TMEM163: variants seen among roughly 807,000 people sequenced by gnomAD.
The protein encoded by TMEM163 is transmembrane protein 163.
TMEM163 carries 17 observed loss-of-function variants against 29.3 expected under a neutral mutation model. The observed-to-expected ratio is 0.58, with a 90% CI of 0.40 to 0.87. The LOEUF (loss-of-function observed/expected upper bound fraction) is 0.87, where lower values mean the gene tolerates loss of function less well. TMEM163 is among the 40% of genes least tolerant of loss of function. The probability of loss-of-function intolerance (pLI) is 0.00; values close to 1 mark genes in which losing one functional copy is unlikely to be tolerated. For synonymous variants in TMEM163, 157 were observed against 160.6 expected, an observed-to-expected ratio of 0.98 and a Z score of 0.17; for missense variants, 303 against 381.5, an observed-to-expected ratio of 0.79 and a Z score of 1.71.
chr2:134,529,034 A>G (rs1244269061), intron 4 of TMEM163, among the ~76,000 whole-genome samples: 2 of 152,340 alleles, frequency 1.3e-5, no homozygotes, highest in East Asian at 3.9e-4. Context: ...AGCTTTATAA[A>G]AATGTGTACC....
intron 2 of TMEM163, among the ~76,000 whole-genome samples, chr2:134,627,145 C>T (rs1016148993): frequency 3.3e-5 from 5 of 152,062 alleles, no homozygotes; most frequent in African/African-American, 7.2e-5. Flanking sequence ...TATTGGTAAC[C>T]TATATTCCTC....
intron 2 of TMEM163, among the ~76,000 whole-genome samples, chr2:134,651,420 G>C (rs1216047789): frequency 8.1e-5 from 10 of 123,742 alleles, no homozygotes; most frequent in Admixed American, 1.6e-4. Flanking sequence ...ATTTGTTTGA[G>C]TTCATTGTAG....
chr2:134,579,916 A>G (rs937673526), intron 2 of TMEM163, among the ~76,000 whole-genome samples: 4 of 152,222 alleles, frequency 2.6e-5, no homozygotes, highest in Admixed American at 2.0e-4. Flanking sequence ...CATACAGGGC[A>G]TGAAGGACCT....
chr2:134,456,606 A>G lies in TMEM163; in HGVS notation c.*110T>C. On this transcript the variant is annotated 3_prime_UTR_variant, in exon 8 of 8. Coordinates refer to ENST00000281924, the MANE Select transcript of TMEM163 (RefSeq NM_030923.5). ...AGACCTTGTCTTGTAATGACAAACC[A>G]TGTGAAAGAAAACTTCCAAAAAGAA... 2 of 1,316,464 alleles carry G rather than the reference A, an allele frequency of 1.5e-6. No homozygotes were observed. The highest frequency in any genetic ancestry group is 2.1e-6 in the Non-Finnish European group (2 of 935,386). The allele number at this position is 1,316,464 out of a possible 1,614,324, so 81.5% of individuals were successfully genotyped here. A position where few individuals can be genotyped will look rare whatever the true frequency, so the allele number is the denominator to read the frequency against.
At chr2:134,506,652 C>T (rs1287745419) in intron 4 of TMEM163, among the ~76,000 whole-genome samples, 1 of 152,230 alleles carries the variant, frequency 6.6e-6, no homozygotes, top group Non-Finnish European at 1.5e-5. Context: ...CTCAACCATC[C>T]AGCCACACGA....
chr2:134,585,708 C>G lies in TMEM163; in HGVS notation c.323-33617G>C, dbSNP rs190547824. On this transcript the variant is annotated intron_variant, in intron 2 of 7. Coordinates refer to ENST00000281924, the MANE Select transcript of TMEM163 (RefSeq NM_030923.5). Reference sequence around the variant, plus strand: ...AGTGAGTCTAGATCGCGCCACTGCACTCCAGCCTGGGCGACAGAGCGAGAC... The same window carrying G: ...AGTGAGTCTAGATCGCGCCACTGCAGTCCAGCCTGGGCGACAGAGCGAGAC... Among the ~76,000 whole-genome samples the G allele has an allele frequency of 1.6e-3, 240 of 150,580 alleles. 1 individual carries two copies. Among genetic ancestry groups the G allele is most frequent in the African/African-American group, 4.9e-3 (201 of 40,896 alleles).
At chr2:134,495,141 G>A (rs941881556) in intron 5 of TMEM163, among the ~76,000 whole-genome samples, 2 of 152,224 alleles carry the variant, frequency 1.3e-5, no homozygotes, top group Admixed American at 6.5e-5. Flanking sequence ...TTCAGAGAGC[G>A]CTTTCACGAG....
At chr2:134,533,024 T>G (rs1680448383) in intron 4 of TMEM163, among the ~76,000 whole-genome samples, 1 of 152,160 alleles carries the variant, frequency 6.6e-6, no homozygotes, top group African/African-American at 2.4e-5. Flanking sequence ...TAAACTCAGT[T>G]TAGTTGTTTC....
At chr2:134,637,800 T>C (rs528009023) in intron 2 of TMEM163, among the ~76,000 whole-genome samples, 1 of 152,356 alleles carries the variant, frequency 6.6e-6, no homozygotes, top group East Asian at 1.9e-4. Flanking sequence ...CTCACATTTA[T>C]TTCAATGTTA....
At chr2:134,660,738 A>G (rs570074200) in intron 2 of TMEM163, among the ~76,000 whole-genome samples, 36 of 152,252 alleles carry the variant, frequency 2.4e-4, no homozygotes, top group Admixed American at 5.2e-4. Context: ...ACACACCCCA[A>G]TTGGATCCTC....
intron 2 of TMEM163, among the ~76,000 whole-genome samples, chr2:134,594,091 AAAGAC>A (rs1028979675): frequency 6.6e-6 from 1 of 152,162 alleles, no homozygotes; most frequent in African/African-American, 2.4e-5. Context: ...GAACAACGGA[AAAGAC>A]AAGATGGCAG....
At chr2:134,689,211 C>T (rs1235455359) in intron 2 of TMEM163, among the ~76,000 whole-genome samples, 7 of 150,536 alleles carry the variant, frequency 4.7e-5, no homozygotes, top group South Asian at 2.1e-4. Flanking sequence ...CAGATTCAAG[C>T]GATTCTCCTA....
intron 2 of TMEM163, among the ~76,000 whole-genome samples, chr2:134,614,959 G>T (rs540695496): frequency 2.6e-5 from 4 of 151,854 alleles, no homozygotes; most frequent in African/African-American, 9.7e-5. Context: ...CAGACAAAAG[G>T]CATACCTAGA....
intron 6 of TMEM163, among the ~76,000 whole-genome samples, chr2:134,463,840 T>C (rs1295824174): frequency 6.6e-6 from 1 of 152,146 alleles, no homozygotes; most frequent in East Asian, 1.9e-4. Flanking sequence ...TTACTGCAAC[T>C]TCACGCTCCA....
At chr2:134,703,048 A>C (rs912287981) in intron 2 of TMEM163, among the ~76,000 whole-genome samples, 1 of 152,212 alleles carries the variant, frequency 6.6e-6, no homozygotes, top group Admixed American at 6.5e-5. Context: ...GGATATACTG[A>C]AGACATTTCA....
At chr2:134,602,708 TTAAC>T (rs1376096035) in intron 2 of TMEM163, among the ~76,000 whole-genome samples, 1 of 152,152 alleles carries the variant, frequency 6.6e-6, no homozygotes, top group Non-Finnish European at 1.5e-5. Context: ...GAGACACTAA[TTAAC>T]CTTTATCTTA....
intron 4 of TMEM163, 84 bp from the exon 5 acceptor site, chr2:134,503,081 C>CTG (rs1679735155): frequency 2.2e-6 from 3 of 1,336,802 alleles, no homozygotes; most frequent in Non-Finnish European, 3.1e-6. Flanking sequence ...GACAAAGACA[C>CTG]AATCTGGGAA....
intron 2 of TMEM163, among the ~76,000 whole-genome samples, chr2:134,680,412 A>C (rs550897797): frequency 6.6e-6 from 1 of 152,218 alleles, no homozygotes; most frequent in Non-Finnish European, 1.5e-5. Flanking sequence ...AGATCGCACC[A>C]CTGTACTCCA....
Position 134,456,535 on chromosome 2 carries a change from TG to T in TMEM163, c.*180del. The T allele has an allele frequency of 1.5e-6, 1 of 661,406 alleles. No homozygotes were observed. The highest frequency in any genetic ancestry group is 2.4e-5 in the Admixed American group (1 of 42,018). 41.0% of individuals were successfully genotyped at this position (661,406 alleles called of 1,614,324 possible). ...ATGGGCATTGTCCCAACATGTTTGA[TG>T]GGGGCGGCAGGTGATGGGGGCAAGG... is the stretch of plus-strand genomic sequence containing the variant. On this transcript the variant is annotated 3_prime_UTR_variant, in exon 8 of 8. Transcript: ENST00000281924.
Sources: gnomAD v4.1 joint callset for allele counts (sites outside exome capture counted in the v4.1 genomes callset) on GRCh38, gnomAD v4.1.1 for gene constraint, MANE v1.5 for transcripts, NCBI Gene and HGNC (gene_info 2026-07-23, HGNC 2026-07-21) for gene names.